TENM2: variants seen among roughly 807,000 people sequenced by gnomAD.
TENM2 encodes teneurin transmembrane protein 2.
TENM2 carries 52 observed loss-of-function variants against 245.2 expected under a neutral mutation model. The ratio of observed to expected loss-of-function variants is 0.21; its 90% CI spans 0.17 to 0.27. The LOEUF (loss-of-function observed/expected upper bound fraction) is 0.27, where lower values mean the gene tolerates loss of function less well. Ranked by LOEUF, TENM2 falls within the 10% of genes least tolerant of loss-of-function variation. The pLI, the probability that TENM2 is intolerant of heterozygous loss-of-function variation, is 1.00. For missense variants in TENM2, 3,046 were observed against 3,666.8 expected, an observed-to-expected ratio of 0.83 and a Z score of 4.37; for synonymous variants, 1,363 against 1,438.9, an observed-to-expected ratio of 0.95 and a Z score of 1.19.
chr5:167,779,540 G>T (rs1403810363), intron 2 of TENM2, among the ~76,000 whole-genome samples: 2 of 152,170 alleles, frequency 1.3e-5, no homozygotes, highest in East Asian at 3.8e-4. Context: ...GGTGAGAAAT[G>T]AGAACATGTT....
chr5:167,550,638 C>G (rs192769686), intron 2 of TENM2, among the ~76,000 whole-genome samples: 1 of 151,414 alleles, frequency 6.6e-6, no homozygotes, highest in African/African-American at 2.4e-5. Flanking sequence ...CCCCGGACAC[C>G]GCGTGCATCC....
intron 1 of TENM2, among the ~76,000 whole-genome samples, chr5:167,308,686 T>A (rs969386717): frequency 6.6e-6 from 1 of 152,214 alleles, no homozygotes; most frequent in Non-Finnish European, 1.5e-5. Context: ...CTTGGCTGGA[T>A]GCAGCATTGC....
the TENM2 span, among the ~76,000 whole-genome samples, chr5:167,130,816 C>A: frequency 1.3e-5 from 2 of 150,624 alleles, no homozygotes; most frequent in Non-Finnish European, 2.9e-5. Context: ...TAGGATTTGT[C>A]ACTTGAAATG....
intron 27 of TENM2, among the ~76,000 whole-genome samples, chr5:168,248,582 C>A (rs1204712891): frequency 6.6e-6 from 1 of 152,212 alleles, no homozygotes; most frequent in African/African-American, 2.4e-5. Flanking sequence ...ATGTCCCAAC[C>A]ACTTTCATGT....
the TENM2 span, among the ~76,000 whole-genome samples, chr5:167,129,107 C>G: frequency 6.6e-6 from 1 of 152,090 alleles, no homozygotes; most frequent in Non-Finnish European, 1.5e-5. Context: ...TATATTTTCC[C>G]CTTCATTTGA....
Position 167,709,039 on chromosome 5 carries a change from T to A in TENM2, c.503-166947T>A, listed in dbSNP as rs1041742206. ...GCCTCAAACTGTCTATCCAATACAG[T>A]CCTACCTCATAATGACTGTCAGCAT... On this transcript the variant is annotated intron_variant, in intron 2 of 28. Transcript: ENST00000518659. Among the ~76,000 whole-genome samples, 4 of 152,162 alleles carry A rather than the reference T, an allele frequency of 2.6e-5. No homozygotes were observed. The East Asian group carries it at 7.7e-4, about 29-fold the overall frequency.
the TENM2 span, among the ~76,000 whole-genome samples, chr5:167,086,883 T>A: frequency 6.6e-5 from 10 of 151,888 alleles, no homozygotes; most frequent in Non-Finnish European, 1.3e-4. Context: ...TGTTTTTCAA[T>A]GTTGGCTGTG....
the TENM2 span, among the ~76,000 whole-genome samples, chr5:167,240,777 T>C: frequency 2.6e-3 from 396 of 152,324 alleles, 2 homozygotes; most frequent in African/African-American, 9.3e-3. Flanking sequence ...AAGTATGCAG[T>C]TCTTCTTTTG....
chr5:167,864,332 A>G (rs776363471), intron 2 of TENM2, among the ~76,000 whole-genome samples: 2 of 152,218 alleles, frequency 1.3e-5, no homozygotes, highest in African/African-American at 2.4e-5. Flanking sequence ...ACTTTCATCT[A>G]TGTTATTATT....
chr5:168,076,287 G>A (rs181535639), intron 7 of TENM2, among the ~76,000 whole-genome samples: 40 of 151,762 alleles, frequency 2.6e-4, no homozygotes, highest in Non-Finnish European at 7.4e-5. Context: ...ATGCAGTGGT[G>A]TGATCTCGGC....
rs561178482 is a variant in TENM2 at position 167,931,338 on chromosome 5, G to A, written c.713-21250G>A. Among the ~76,000 whole-genome samples the A allele has an allele frequency of 2.0e-5, 3 of 152,126 alleles. No individual in the cohort carries two copies. The South Asian group carries it at 6.2e-4, about 32-fold the overall frequency. On this transcript the variant is annotated intron_variant, in intron 3 of 28. Coordinates refer to ENST00000518659, the Ensembl canonical transcript of TENM2. ...GTGATGTCAGAGATTGAACTGGGGT[G>A]AGAATGCACTTCTGATAATTAAGAT... is the stretch of plus-strand genomic sequence containing the variant.
In TENM2 at chr5:168,239,124, G is replaced by A. The variant is rs1051054711; in HGVS notation, c.5521-5296G>A. 8.5e-5 allele frequency among the ~76,000 whole-genome samples: 13 copies of A among 152,236 alleles called. No individual in the cohort carries two copies. The East Asian group carries it at 2.5e-3, about 29-fold the overall frequency. ...CACATGCTCTAAACTGGGGGGGCAG[G>A]TATCCTCAAAGGGCCGATCGTGCCT... is the stretch of plus-strand genomic sequence containing the variant. On this transcript the variant is annotated intron_variant, in intron 25 of 28. Transcript: ENST00000518659.
the TENM2 span, among the ~76,000 whole-genome samples, chr5:167,213,819 T>C: frequency 6.6e-6 from 1 of 152,224 alleles, no homozygotes; most frequent in East Asian, 1.9e-4. Context: ...TTACCTTTAA[T>C]TGCATGAGTT....
At chr5:167,603,325 TATCAC>T (rs1776781544) in intron 2 of TENM2, among the ~76,000 whole-genome samples, 1 of 152,184 alleles carries the variant, frequency 6.6e-6, no homozygotes, top group Non-Finnish European at 1.5e-5. Context: ...GGCTTCCAGA[TATCAC>T]AGACCATTTC....
intron 2 of TENM2, among the ~76,000 whole-genome samples, chr5:167,477,824 T>C (rs73801230): frequency 0.051 from 7,630 of 150,626 alleles, 326 homozygotes; most frequent in East Asian, 0.13. Flanking sequence ...TATATTAAGA[T>C]GGAAGGAGGA....
At chr5:167,437,178 C>G (rs1417223628) in intron 2 of TENM2, among the ~76,000 whole-genome samples, 2 of 152,154 alleles carry the variant, frequency 1.3e-5, no homozygotes, top group African/African-American at 4.8e-5. Context: ...CTATACCCTA[C>G]AAAGCCACAG....
At chr5:168,116,196 A>G (rs771500811) in intron 9 of TENM2, among the ~76,000 whole-genome samples, 37 of 152,170 alleles carry the variant, frequency 2.4e-4, no homozygotes, top group Non-Finnish European at 3.5e-4. Flanking sequence ...CATCCTGTAG[A>G]TAGAGAGTAT....
At chr5:168,004,718 T>C (rs1333076543) in intron 5 of TENM2, among the ~76,000 whole-genome samples, 2 of 152,188 alleles carry the variant, frequency 1.3e-5, no homozygotes, top group African/African-American at 4.8e-5. Context: ...AGTGTTTGCA[T>C]TTGCACAGAT....
At chr5:168,137,690 A>G (rs1755168584) in intron 12 of TENM2, among the ~76,000 whole-genome samples, 1 of 152,254 alleles carries the variant, frequency 6.6e-6, no homozygotes, top group Non-Finnish European at 1.5e-5. Context: ...TGTGAATAAG[A>G]AAAGAGATGG....
Sources: gnomAD v4.1 joint callset for allele counts (sites outside exome capture counted in the v4.1 genomes callset) on GRCh38, gnomAD v4.1.1 for gene constraint, MANE v1.5 for transcripts, NCBI Gene and HGNC (gene_info 2026-07-23, HGNC 2026-07-21) for gene names.